The following SARNP variants were observed in gnomAD, a reference collection of about 807,000 sequenced individuals.
SARNP encodes SAP domain-containing ribonucleoprotein.
SARNP carries 5 observed loss-of-function variants against 38.1 expected under a neutral mutation model. The observed-to-expected ratio is 0.13, with a 90% CI of 0.07 to 0.28. SARNP has a LOEUF of 0.28. SARNP is among the 10% of genes least tolerant of loss of function. The pLI is 1.00. For missense variants in SARNP, 180 were observed against 243.9 expected, an observed-to-expected ratio of 0.74 and a Z score of 1.75; for synonymous variants, 84 against 80.6, an observed-to-expected ratio of 1.04 and a Z score of -0.23.
Position 55,796,080 on chromosome 12 carries a change from G to T in SARNP, c.252-4C>A. On this transcript the variant is annotated splice_polypyrimidine_tract_variant and splice_region_variant and intron_variant, in intron 4 of 10. Transcript: ENST00000336133. ...CACCACTTTCTTCTCTGCTGCCCTA[G>T]AAAAGAAAGAGATTTTTTAAAATGA... is the stretch of plus-strand genomic sequence containing the variant. 1 of 1,601,630 alleles carries T rather than the reference G, an allele frequency of 6.2e-7. No homozygotes were observed. Among genetic ancestry groups the T allele is most frequent in the Non-Finnish European group, 8.6e-7 (1 of 1,169,306 alleles).
rs1474936538 is a variant in SARNP at position 55,766,099 on chromosome 12, G to A, written c.502-5459C>T. Among the ~76,000 whole-genome samples the A allele has an allele frequency of 4.6e-5, 7 of 152,086 alleles. No individual in the cohort carries two copies. The East Asian group carries it at 1.3e-3, about 29-fold the overall frequency. On this transcript the variant is annotated intron_variant, in intron 9 of 10. Coordinates refer to ENST00000336133, the MANE Select transcript of SARNP (RefSeq NM_033082.4). ...AGGCCATGCTCAAGTGCACAAATGG[G>A]GTTGTGGCATCTGCAGGCAGCAGTG...
intron 5 of SARNP, among the ~76,000 whole-genome samples, 183 bp from the exon 6 acceptor site, chr12:55,795,063 G>A (rs1418715754): frequency 2.0e-5 from 3 of 151,596 alleles, no homozygotes; most frequent in Non-Finnish European, 1.5e-5. Context: ...GGGTTCGAGC[G>A]ATTCTCGTGG....
At chr12:55,792,147 A>G (rs1879689250) in intron 7 of SARNP, among the ~76,000 whole-genome samples, 1 of 152,080 alleles carries the variant, frequency 6.6e-6, no homozygotes, top group Non-Finnish European at 1.5e-5. Context: ...TTCACCAATT[A>G]TATCTCTCTT....
chr12:55,796,070 T>C lies in SARNP; in HGVS notation c.258A>G (p.Ala86=), dbSNP rs748931967. The C allele has an allele frequency of 2.5e-6, 4 of 1,608,398 alleles. No individual in the cohort carries two copies. Among genetic ancestry groups the C allele is most frequent in the African/African-American group, 2.7e-5 (2 of 74,956 alleles). ...ATGTAATTTTCACCACTTTCTTCTC[T>C]GCTGCCCTAGAAAAGAAAGAGATTT... ...EPPEKTVDVA[A]EKKVVKITSE... is the part of the protein sequence containing the mutation. The change falls in exon 5 of 11, where the codon GCA becomes GCG. Residue 86 remains alanine, a synonymous_variant. Coordinates refer to ENST00000336133, the MANE Select transcript of SARNP (RefSeq NM_033082.4).
intron 1 of SARNP, among the ~76,000 whole-genome samples, chr12:55,812,809 T>C (rs1038280909): frequency 3.9e-5 from 6 of 152,242 alleles, no homozygotes; most frequent in Non-Finnish European, 8.8e-5. Context: ...ACTCAACAAA[T>C]CGTTATTGAG....
In SARNP at chr12:55,760,659, A is replaced by G; in HGVS notation, c.502-19T>C. 6.5e-7 allele frequency: 1 copy of G among 1,549,150 alleles called. No individual in the cohort carries two copies. The highest frequency in any genetic ancestry group is 8.9e-7 in the Non-Finnish European group (1 of 1,122,652). On this transcript the variant is annotated intron_variant, in intron 9 of 10. Transcript: ENST00000336133. ...CTTCAGACTGTTCAAGGACAAAGGAAAGAGTTGAAACAAACTAGCCTCCAT... is the reference window on the plus strand; with the variant it reads ...CTTCAGACTGTTCAAGGACAAAGGAGAGAGTTGAAACAAACTAGCCTCCAT...
At chr12:55,805,511 A>T (rs1490698122) in intron 1 of SARNP, among the ~76,000 whole-genome samples, 1 of 152,226 alleles carries the variant, frequency 6.6e-6, no homozygotes, top group African/African-American at 2.4e-5. Flanking sequence ...CAGGAGTTCA[A>T]CAGCAGCCTA....
At chr12:55,787,749 CT>C (rs150950873) in intron 9 of SARNP, among the ~76,000 whole-genome samples, 11,905 of 136,978 alleles carry the variant, frequency 0.087, 637 homozygotes, top group African/African-American at 0.16. Context: ...TTCTTTCTTT[CT>C]TTTTTTTTTT....
intron 1 of SARNP, among the ~76,000 whole-genome samples, chr12:55,810,269 C>G (rs1481223143): frequency 6.6e-6 from 1 of 151,918 alleles, no homozygotes; most frequent in African/African-American, 2.4e-5. Context: ...TGTGCCACCA[C>G]AGCCAGCTAA....
intron 1 of SARNP, among the ~76,000 whole-genome samples, chr12:55,805,196 A>C (rs921274520): frequency 1.3e-5 from 2 of 152,208 alleles, no homozygotes; most frequent in African/African-American, 4.8e-5. Context: ...CTGGAGGCGG[A>C]ACTTGCAGCG....
rs1201970705 is a variant in SARNP at position 55,760,570 on chromosome 12, C to G, written c.572G>C (p.Gly191Ala). The G allele has an allele frequency of 3.4e-5, 55 of 1,610,234 alleles. No homozygotes were observed. The highest frequency in any genetic ancestry group is 4.6e-5 in the Non-Finnish European group (54 of 1,176,588). Residue 191 changes from glycine (G) to alanine (A), a missense_variant, in exon 10 of 11, where the codon GGA becomes GCA. Around this residue, in one of 2 missense-constraint regions of SARNP, gnomAD observed 19 missense variants for 49.8 expected, o/e 0.38. Transcript: ENST00000336133. ...TTTTACCTCTGTATCCTCTGTGGTT[C>G]CAGTTCCAGCTGAACTTGTGACAAT... ...FGIVTSSAGT[G>A]TTEDTEAKKR...
chr12:55,804,771 T>C (rs193253988), intron 1 of SARNP, among the ~76,000 whole-genome samples: 2 of 152,248 alleles, frequency 1.3e-5, no homozygotes, highest in Non-Finnish European at 2.9e-5. Context: ...AAATTCTATA[T>C]GCAGATCAAC....
At chr12:55,784,897 G>A (rs2136191644) in intron 9 of SARNP, among the ~76,000 whole-genome samples, 1 of 152,296 alleles carries the variant, frequency 6.6e-6, no homozygotes, top group South Asian at 2.1e-4. Context: ...TACTCACAGA[G>A]CACATCTCAA....
At chr12:55,805,742 A>G (rs1592580938) in intron 1 of SARNP, among the ~76,000 whole-genome samples, 1 of 152,210 alleles carries the variant, frequency 6.6e-6, no homozygotes, top group East Asian at 1.9e-4. Flanking sequence ...CCAGCTATTC[A>G]GGAGGCTGAG....
intron 4 of SARNP, among the ~76,000 whole-genome samples, chr12:55,798,899 C>CT (rs929831131): frequency 5.3e-5 from 8 of 152,136 alleles, no homozygotes; most frequent in African/African-American, 1.9e-4. Context: ...TTTACAGGGT[C>CT]TACTGAGGAT....
chr12:55,804,590 A>C (rs1438982739), intron 1 of SARNP, among the ~76,000 whole-genome samples: 1 of 152,180 alleles, frequency 6.6e-6, no homozygotes, highest in African/African-American at 2.4e-5. Context: ...AGACATCAGA[A>C]TTTTAGGCAA....
rs377412738 is a variant in SARNP, at chr12:55,779,419, C to G, written c.501+9656G>C. Among the ~76,000 whole-genome samples the G allele has an allele frequency of 2.3e-4, 35 of 152,294 alleles. No individual in the cohort carries two copies. In the East Asian group the frequency reaches 2.9e-3, roughly 13 times the overall value. Reference sequence around the variant, plus strand: ...ATGGAGAATTAAATTTTACACTAAGCCTAGGCACTGCTGCTTGAGTATATT... The same window carrying G: ...ATGGAGAATTAAATTTTACACTAAGGCTAGGCACTGCTGCTTGAGTATATT... On this transcript the variant is annotated intron_variant, in intron 9 of 10. Coordinates refer to ENST00000336133, the MANE Select transcript of SARNP (RefSeq NM_033082.4).
At chr12:55,799,559 C>CTTTTT (rs10529763) in intron 4 of SARNP, among the ~76,000 whole-genome samples, 2,111 of 112,230 alleles carry the variant, frequency 0.019, 137 homozygotes, top group African/African-American at 0.031. Flanking sequence ...GAGTGTCACA[C>CTTTTT]TTTTTTTTTT....
At chr12:55,812,943 G>A (rs570722027) in intron 1 of SARNP, among the ~76,000 whole-genome samples, 16 of 152,156 alleles carry the variant, frequency 1.1e-4, no homozygotes, top group African/African-American at 3.1e-4. Flanking sequence ...ATCAGATAGC[G>A]TTTAGCTGAT....
Sources: gnomAD v4.1 joint callset for allele counts (sites outside exome capture counted in the v4.1 genomes callset) on GRCh38, gnomAD v4.1.1 for gene constraint, gnomAD v4.1.1 regional missense constraint, MANE v1.5 for transcripts, NCBI Gene and HGNC (gene_info 2026-07-23, HGNC 2026-07-21) for gene names.